Variants in FUT8 observed in about 807,000 individuals in gnomAD.
FUT8 encodes fucosyltransferase 8.
FUT8 carries 29 observed loss-of-function variants against 71.3 expected under a neutral mutation model. That is an observed-to-expected ratio of 0.41 (90% CI 0.30 to 0.55). The LOEUF is 0.55. Ranked by LOEUF, FUT8 falls within the 20% of genes least tolerant of loss-of-function variation. FUT8 has a pLI of 0.34. For missense variants in FUT8, 544 were observed against 702.1 expected, an observed-to-expected ratio of 0.77 and a Z score of 2.55; for synonymous variants, 254 against 239.3, an observed-to-expected ratio of 1.06 and a Z score of -0.57.
intron 2 of FUT8, among the ~76,000 whole-genome samples, chr14:65,490,939 A>G (rs934917501): frequency 3.9e-5 from 6 of 152,126 alleles, no homozygotes; most frequent in Non-Finnish European, 7.4e-5. Context: ...ACCTACTCAG[A>G]ATCTGGTTCA....
chr14:65,458,409 C>G (rs61990001), intron 2 of FUT8, among the ~76,000 whole-genome samples: 1 of 152,060 alleles, frequency 6.6e-6, no homozygotes, highest in Non-Finnish European at 1.5e-5. Context: ...TCAGTTTAAA[C>G]TTTCTTGAAT....
chr14:65,588,673 T>C (rs1887521456), intron 3 of FUT8, among the ~76,000 whole-genome samples: 1 of 151,934 alleles, frequency 6.6e-6, no homozygotes, highest in Non-Finnish European at 1.5e-5. Context: ...CTTTCTGCAG[T>C]TTCAGTATAC....
At chr14:65,593,440 C>T (rs1022164931) in intron 3 of FUT8, among the ~76,000 whole-genome samples, 3 of 152,234 alleles carry the variant, frequency 2.0e-5, no homozygotes, top group Middle Eastern at 3.4e-3. Flanking sequence ...ATTATAGATT[C>T]TGTGTTTCAT....
At chr14:65,453,107 G>A (rs2065851024) in intron 1 of FUT8, among the ~76,000 whole-genome samples, 2 of 150,676 alleles carry the variant, frequency 1.3e-5, no homozygotes. Flanking sequence ...ATTGTGCCCT[G>A]TTGGGTGCTG....
At chr14:65,356,895 A>T in the FUT8 span, among the ~76,000 whole-genome samples, 14 of 152,340 alleles carry the variant, frequency 9.2e-5, no homozygotes, top group African/African-American at 3.4e-4. The surrounding 1 kb of genome is among the most constrained non-coding windows in gnomAD (Gnocchi z 4.6). Flanking sequence ...AGAGGCACTG[A>T]GGCCACTACT....
At chr14:65,549,879 G>GTTT (rs1885190512) in intron 2 of FUT8, among the ~76,000 whole-genome samples, 1 of 152,102 alleles carries the variant, frequency 6.6e-6, no homozygotes, top group African/African-American at 2.4e-5. Flanking sequence ...GGTTTACACA[G>GTTT]TGAAAACCTG....
chr14:65,645,603 T>C (rs1032006319), intron 6 of FUT8, among the ~76,000 whole-genome samples: 1 of 152,248 alleles, frequency 6.6e-6, no homozygotes, highest in African/African-American at 2.4e-5. Flanking sequence ...TTGTGCCGTT[T>C]AGACAGGATT....
At chr14:65,529,097 T>G (rs1011854375) in intron 2 of FUT8, 1 of 163,118 alleles carries the variant, frequency 6.1e-6, no homozygotes, top group African/African-American at 2.4e-5. Flanking sequence ...ACATAACCTC[T>G]TTACACCATC....
intron 7 of FUT8, among the ~76,000 whole-genome samples, chr14:65,682,392 C>T (rs1566893495): frequency 6.6e-6 from 1 of 151,886 alleles, no homozygotes; most frequent in African/African-American, 2.4e-5. Context: ...CCTGTAGTCC[C>T]AGCTACTTGG....
In FUT8 at chr14:65,607,138, T is replaced by G. The variant is rs180793637; in HGVS notation, c.204-8840T>G. ...CTTGGATTTTCTGTATTAAAGTTTA[T>G]ATTATCTGAATAACATTTGTTTCTT... On this transcript the variant is annotated intron_variant, in intron 3 of 10. Transcript: ENST00000673929. The surrounding 1 kb of genome is among the most constrained non-coding windows in gnomAD (Gnocchi z 4.1). Among the ~76,000 whole-genome samples the G allele has an allele frequency of 2.0e-5, 3 of 152,064 alleles. No individual in the cohort carries two copies. The highest frequency in any genetic ancestry group is 1.3e-4 in the Admixed American group (2 of 15,238).
chr14:65,594,540 G>T (rs1887862115), intron 3 of FUT8, among the ~76,000 whole-genome samples: 1 of 152,212 alleles, frequency 6.6e-6, no homozygotes, highest in Non-Finnish European at 1.5e-5. Flanking sequence ...GCCAGTGAGG[G>T]CAGAGGGCCA....
intron 1 of FUT8, among the ~76,000 whole-genome samples, chr14:65,435,518 G>A (rs747842517): frequency 3.3e-5 from 5 of 152,178 alleles, no homozygotes; most frequent in Admixed American, 2.0e-4. Flanking sequence ...GTTGAAAGAC[G>A]TTTAGCTTAT....
chr14:65,677,151 T>TGTGTGTGTGTGTGTGTGTGTGTGCGC, intron 7 of FUT8, among the ~76,000 whole-genome samples: 13 of 110,736 alleles, frequency 1.2e-4, no homozygotes, highest in Non-Finnish European at 2.2e-4. Context: ...TGTGTGTGTG[T>TGTGTGTGTGTGTGTGTGTGTGTGCGC]GCGCGCGCGC....
chr14:65,721,687 G>T, intron 7 of FUT8, 88 bp from the exon 8 acceptor site: 1 of 1,293,510 alleles, frequency 7.7e-7, no homozygotes, highest in East Asian at 2.3e-5. Context: ...TTGCTGTGAG[G>T]ATGAAAGCAC....
chr14:65,505,060 A>G (rs1228125697), intron 2 of FUT8, among the ~76,000 whole-genome samples: 3 of 152,220 alleles, frequency 2.0e-5, no homozygotes, highest in African/African-American at 7.2e-5. Context: ...TGGCTTTCTT[A>G]AAGTTATATG....
chr14:65,729,575 G>C (rs1021189619), intron 9 of FUT8, among the ~76,000 whole-genome samples: 1 of 149,324 alleles, frequency 6.7e-6, no homozygotes, highest in East Asian at 2.0e-4. Flanking sequence ...GAGTGCAGTA[G>C]CACAATCTCA....
intron 9 of FUT8, among the ~76,000 whole-genome samples, chr14:65,727,676 T>C (rs911159426): frequency 2.0e-5 from 3 of 152,132 alleles, no homozygotes; most frequent in African/African-American, 4.8e-5. Context: ...TTTTCCCCAT[T>C]GTATTGGTGA....
At chr14:65,543,976 C>CT (rs2139974423) in intron 2 of FUT8, among the ~76,000 whole-genome samples, 1 of 152,204 alleles carries the variant, frequency 6.6e-6, no homozygotes, top group South Asian at 2.1e-4. Context: ...ATTGAATTAG[C>CT]TTTTTTGCTG....
At chr14:65,561,006 T>C (rs940321687) in intron 2 of FUT8, among the ~76,000 whole-genome samples, 4 of 152,182 alleles carry the variant, frequency 2.6e-5, no homozygotes, top group African/African-American at 7.2e-5. Context: ...ATTTTGTTTT[T>C]GATTGATTGT....
Sources: allele counts gnomAD v4.1 joint callset (sites outside exome capture counted in the v4.1 genomes callset), GRCh38; gene constraint gnomAD v4.1.1; non-coding constraint Gnocchi (gnomAD v3.1); transcripts MANE v1.5; gene names NCBI Gene and HGNC (gene_info 2026-07-23, HGNC 2026-07-21).